The following APBA1 variants were observed in gnomAD, a reference collection of about 807,000 sequenced individuals.
The protein encoded by APBA1 is amyloid beta precursor protein binding family A member 1.
APBA1 carries 55 observed loss-of-function variants against 86.6 expected under a neutral mutation model. The ratio of observed to expected loss-of-function variants is 0.64; its 90% CI spans 0.51 to 0.80. The LOEUF (loss-of-function observed/expected upper bound fraction) is 0.80, where lower values mean the gene tolerates loss of function less well. APBA1 is among the 30% of genes least tolerant of loss of function. APBA1 has a pLI of 0.00. For missense variants in APBA1, 1,090 were observed against 1,183.0 expected (o/e 0.92, Z 1.15); for synonymous variants, 511 against 493.9 (o/e 1.03, Z -0.46).
intron 2 of APBA1, among the ~76,000 whole-genome samples, chr9:69,482,143 C>T (rs1479111986): frequency 6.6e-6 from 1 of 151,930 alleles, no homozygotes; most frequent in Non-Finnish European, 1.5e-5. Flanking sequence ...AACTAAAGAG[C>T]TTCTGCACAG....
chr9:69,435,158 T>G (rs1588280403), intron 11 of APBA1, among the ~76,000 whole-genome samples: 1 of 152,082 alleles, frequency 6.6e-6, no homozygotes, highest in South Asian at 2.1e-4. Context: ...TATTCCATGG[T>G]GTATATGTGC....
intron 1 of APBA1, among the ~76,000 whole-genome samples, chr9:69,530,312 A>G (rs750480664): frequency 0.18 from 10,771 of 59,268 alleles, 482 homozygotes; most frequent in Non-Finnish European, 0.29. Context: ...GTGTGTATAT[A>G]TATATATATA....
intron 2 of APBA1, among the ~76,000 whole-genome samples, chr9:69,488,838 TAACA>T (rs1384976405): frequency 6.6e-6 from 1 of 152,026 alleles, no homozygotes; most frequent in Admixed American, 6.6e-5. Context: ...TATACACCAA[TAACA>T]AACAGAGAGC....
intron 10 of APBA1, among the ~76,000 whole-genome samples, chr9:69,443,336 AGGTGGCTTAATTTCTCCAT>A (rs1285700084): frequency 6.6e-6 from 1 of 152,230 alleles, no homozygotes; most frequent in Non-Finnish European, 1.5e-5. Flanking sequence ...ATCTGCATCC[AGGTGGCTTAATTTCTCCAT>A]GGATGATTAC....
chr9:69,447,032 A>G (rs1834921632), intron 10 of APBA1, among the ~76,000 whole-genome samples: 1 of 152,172 alleles, frequency 6.6e-6, no homozygotes, highest in Non-Finnish European at 1.5e-5. Flanking sequence ...GCGTACCAGC[A>G]CTGTCAGGTT....
intron 1 of APBA1, among the ~76,000 whole-genome samples, chr9:69,655,478 C>A (rs534473001): frequency 6.6e-6 from 1 of 151,986 alleles, no homozygotes; most frequent in Admixed American, 6.6e-5. Flanking sequence ...AAAGCAAATC[C>A]ATTTACAATA....
At chr9:69,621,180 A>G (rs1010046069) in intron 1 of APBA1, among the ~76,000 whole-genome samples, 1 of 152,238 alleles carries the variant, frequency 6.6e-6, no homozygotes, top group Non-Finnish European at 1.5e-5. Context: ...AACTAAAAAT[A>G]CGGAAACCTA....
In APBA1 at chr9:69,428,415, T is replaced by A. The variant is rs962946551; in HGVS notation, c.*2912A>T. ...GGTCTTTGGGGGTTTCTTCCTCTCA[T>A]GAACCCAAGGCTGATGGTGGCTCCC... is the stretch of plus-strand genomic sequence containing the variant. On this transcript the variant is annotated 3_prime_UTR_variant, in exon 13 of 13. Transcript: ENST00000265381. 2 of 152,326 alleles carry A rather than the reference T, an allele frequency of 1.3e-5. No homozygotes were observed. Among genetic ancestry groups the A allele is most frequent in the Admixed American group, 6.5e-5 (1 of 15,286 alleles). 9.4% of individuals were successfully genotyped at this position (152,326 alleles called of 1,614,324 possible).
intron 2 of APBA1, among the ~76,000 whole-genome samples, chr9:69,485,674 G>A (rs753426287): frequency 9.2e-5 from 14 of 152,032 alleles, no homozygotes; most frequent in African/African-American, 2.4e-4. Context: ...GACACAGTGC[G>A]CAGAGATGAC....
rs367946306 is a variant in APBA1 at position 69,489,018 on chromosome 9, A to G, written c.1201-12875T>C. Among the ~76,000 whole-genome samples, 369 of 152,192 alleles carry G rather than the reference A, an allele frequency of 2.4e-3. 2 individuals are homozygous for G. Among genetic ancestry groups the G allele is most frequent in the African/African-American group, 8.2e-3 (342 of 41,538 alleles). ...ATGGAAGAACATTCCATGCTGATGGATAGGAAGAATCAATATCATGAAAAT... is the reference window on the plus strand; with the variant it reads ...ATGGAAGAACATTCCATGCTGATGGGTAGGAAGAATCAATATCATGAAAAT... On this transcript the variant is annotated intron_variant, in intron 2 of 12. Coordinates refer to ENST00000265381, the MANE Select transcript of APBA1 (RefSeq NM_001163.4).
chr9:69,469,005 C>T (rs1281431255), intron 4 of APBA1, among the ~76,000 whole-genome samples: 1 of 151,942 alleles, frequency 6.6e-6, no homozygotes. Context: ...GCTGAAACTA[C>T]AGGCACTACC....
At chr9:69,551,116 AAAAGT>A (rs1434088767) in intron 1 of APBA1, among the ~76,000 whole-genome samples, 3 of 152,206 alleles carry the variant, frequency 2.0e-5, no homozygotes, top group Non-Finnish European at 4.4e-5. Context: ...AAAAATCTGG[AAAAGT>A]AATTTAATGG....
At chr9:69,511,816 C>T (rs934756386) in intron 2 of APBA1, among the ~76,000 whole-genome samples, 46 of 151,870 alleles carry the variant, frequency 3.0e-4, no homozygotes, top group African/African-American at 9.4e-4. Flanking sequence ...AGTAAACTAT[C>T]GCAAGAACAG....
At chr9:69,579,214 C>T (rs566644386) in intron 1 of APBA1, among the ~76,000 whole-genome samples, 2 of 152,252 alleles carry the variant, frequency 1.3e-5, no homozygotes, top group Non-Finnish European at 2.9e-5. Context: ...CTACATACTG[C>T]AGCCCCACTG....
intron 2 of APBA1, among the ~76,000 whole-genome samples, chr9:69,511,384 C>T (rs947472539): frequency 1.3e-5 from 2 of 152,206 alleles, no homozygotes; most frequent in African/African-American, 4.8e-5. Context: ...TACAATCTCA[C>T]ACCAGTTAGA....
intron 1 of APBA1, among the ~76,000 whole-genome samples, chr9:69,624,108 A>G (rs1469052879): frequency 6.6e-6 from 1 of 152,206 alleles, no homozygotes; most frequent in Non-Finnish European, 1.5e-5. Flanking sequence ...AAGTTCCCAG[A>G]GGTTCAGATT....
intron 1 of APBA1, among the ~76,000 whole-genome samples, chr9:69,558,250 A>G (rs1264534694): frequency 2.6e-5 from 4 of 152,070 alleles, no homozygotes; most frequent in African/African-American, 9.7e-5. Context: ...TTGGCTTTGA[A>G]AGTCTCTTAT....
chr9:69,474,135 G>C (rs1835406944), intron 3 of APBA1: 1 of 152,118 alleles, frequency 6.6e-6, no homozygotes, highest in Non-Finnish European at 1.5e-5. Flanking sequence ...AGATCTTTGG[G>C]GTTTGGGTTT....
chr9:69,621,129 C>T (rs1490941040), intron 1 of APBA1, among the ~76,000 whole-genome samples: 2 of 152,130 alleles, frequency 1.3e-5, no homozygotes, highest in Non-Finnish European at 2.9e-5. Flanking sequence ...AGTAAGCATT[C>T]ATAAAATGGT....
Sources: gnomAD v4.1 joint callset for allele counts (sites outside exome capture counted in the v4.1 genomes callset) on GRCh38, gnomAD v4.1.1 for gene constraint, MANE v1.5 for transcripts, NCBI Gene and HGNC (gene_info 2026-07-23, HGNC 2026-07-21) for gene names.